Variants in ERICH6 observed in about 807,000 individuals in gnomAD.
ERICH6 encodes the protein glutamate rich 6, also known as glutamate-rich protein 6.
In ERICH6, 71 loss-of-function variants were observed where a neutral mutation model predicts 71.0. The observed-to-expected ratio is 1.00, with a 90% CI of 0.83 to 1.22. The LOEUF (loss-of-function observed/expected upper bound fraction) is 1.22. Among genes scored for constraint, ERICH6 ranks in the 50% most tolerant of loss-of-function variants. The pLI, the probability that ERICH6 is intolerant of heterozygous loss-of-function variation, is 0.00. For synonymous variants in ERICH6, 262 were observed against 278.4 expected (o/e 0.94, Z 0.59); for missense variants, 808 against 797.2 (o/e 1.01, Z -0.16).
chr3:150,689,752 G>C (rs959428459), intron 3 of ERICH6, among the ~76,000 whole-genome samples: 8 of 151,946 alleles, frequency 5.3e-5, no homozygotes, highest in African/African-American at 1.9e-4. Flanking sequence ...TGTACCCTCT[G>C]CTGCATGAGG....
At position 150,666,797 on chromosome 3, in the gene ERICH6, G is replaced by A. The variant is rs1276848949; in HGVS notation, c.1718C>T (p.Thr573Ile). 2.5e-6 allele frequency: 4 copies of A among 1,613,876 alleles called. No homozygotes were observed. Among genetic ancestry groups the A allele is most frequent in the African/African-American group, 2.7e-5 (2 of 75,022 alleles). ...TAAAAATGTACCTACCTTCACTTTG[G>A]TTCCAACACTGATTCTTGCCTGTTG... ...MGQQARISVG[T>I]KVKLPNPEEI... Residue 573 changes from threonine (T) to isoleucine (I), a missense_variant, in exon 13 of 14, where the codon ACC becomes ATC. Thr to Ile is a moderately conservative substitution (Grantham distance 89). Around this residue, in one of 3 missense-constraint regions of ERICH6, gnomAD observed 736 missense variants for 712.2 expected, o/e 1.03. Transcript: ENST00000295910.
intron 3 of ERICH6, among the ~76,000 whole-genome samples, chr3:150,690,643 A>G (rs1203550054): frequency 6.6e-6 from 1 of 152,234 alleles, no homozygotes. Flanking sequence ...TCTTTAATAA[A>G]TAAACTAGCT....
intron 3 of ERICH6, among the ~76,000 whole-genome samples, chr3:150,697,658 A>G (rs995164927): frequency 2.0e-5 from 3 of 152,044 alleles, no homozygotes; most frequent in Non-Finnish European, 1.5e-5. Context: ...CTTCTACATC[A>G]CTGGATGCTT....
At position 150,666,897 on chromosome 3, in the gene ERICH6, G is replaced by C. The variant is rs372213685; in HGVS notation, c.1618C>G (p.Leu540Val). The C allele has an allele frequency of 6.2e-7, 1 of 1,614,000 alleles. No homozygotes were observed. The highest frequency in any genetic ancestry group is 1.3e-5 in the African/African-American group (1 of 74,884). The change falls in exon 13 of 14, where the codon CTG becomes GTG. Residue 540 changes from leucine (L) to valine (V), a missense_variant. Coordinates refer to ENST00000295910, the MANE Select transcript of ERICH6 (RefSeq NM_152394.5). ...ACTCCAATATAACGGTTCAAAGCCA[G>C]AAAGACAGGTTTAAATGAAACAAAG... ...SPFVSFKPVFLALNRYIGVRI... is the reference protein window; with the variant it reads ...SPFVSFKPVFVALNRYIGVRI...
chr3:150,665,683 C>T (rs1004582585), intron 13 of ERICH6, among the ~76,000 whole-genome samples: 4 of 150,496 alleles, frequency 2.7e-5, no homozygotes, highest in Admixed American at 2.0e-4. Context: ...AAAAATTAGC[C>T]GGGCATGGTG....
At chr3:150,691,995 G>A (rs893439101) in intron 3 of ERICH6, among the ~76,000 whole-genome samples, 1 of 152,130 alleles carries the variant, frequency 6.6e-6, no homozygotes, top group Non-Finnish European at 1.5e-5. Context: ...GGGCCTGTGA[G>A]ATTGTAAGAG....
chr3:150,678,901 C>T (rs563778941), intron 9 of ERICH6, among the ~76,000 whole-genome samples: 211 of 151,848 alleles, frequency 1.4e-3, no homozygotes, highest in African/African-American at 4.1e-3. Flanking sequence ...ATTAACTGGG[C>T]GTGGTGGCGT....
At chr3:150,684,653 G>A (rs535826865) in intron 6 of ERICH6, among the ~76,000 whole-genome samples, 65 of 152,256 alleles carry the variant, frequency 4.3e-4, no homozygotes, top group African/African-American at 1.6e-3. Flanking sequence ...GCGGCAGTGT[G>A]GTGGTGCACC....
chr3:150,681,287 T>C (rs911426171), intron 7 of ERICH6, among the ~76,000 whole-genome samples: 1 of 152,224 alleles, frequency 6.6e-6, no homozygotes, highest in Admixed American at 6.5e-5. Flanking sequence ...AGTGGAACCA[T>C]ACAACATGTG....
At chr3:150,680,387 AC>A in intron 9 of ERICH6, 80 bp downstream of exon 9, 1 of 1,393,384 alleles carries the variant, frequency 7.2e-7, no homozygotes. Context: ...TTTTAAATAC[AC>A]CCATTTCATC....
intron 10 of ERICH6, among the ~76,000 whole-genome samples, chr3:150,674,373 T>C (rs1711571339): frequency 6.6e-6 from 1 of 152,158 alleles, no homozygotes; most frequent in African/African-American, 2.4e-5. Flanking sequence ...GCAGTGCCAT[T>C]GCTATCATAA....
intron 7 of ERICH6, 71 bp downstream of exon 7, chr3:150,682,147 G>T: frequency 1.5e-6 from 2 of 1,302,268 alleles, no homozygotes; most frequent in Non-Finnish European, 2.2e-6. Flanking sequence ...GCAGGGGAAA[G>T]ATGCAAGAGA....
chr3:150,688,719 C>T (rs1712297033), intron 3 of ERICH6, among the ~76,000 whole-genome samples: 1 of 152,238 alleles, frequency 6.6e-6, no homozygotes, highest in South Asian at 2.1e-4. Flanking sequence ...TCATTTGTCT[C>T]TTCTCTACCT....
At chr3:150,670,931 G>T (rs889079969) in intron 11 of ERICH6, among the ~76,000 whole-genome samples, 2 of 152,026 alleles carry the variant, frequency 1.3e-5, no homozygotes, top group Non-Finnish European at 2.9e-5. Context: ...ATAAAGTCAG[G>T]GCATGAAATG....
intron 3 of ERICH6, among the ~76,000 whole-genome samples, chr3:150,692,553 G>A (rs1396361689): frequency 6.6e-6 from 1 of 152,002 alleles, no homozygotes; most frequent in East Asian, 1.9e-4. Flanking sequence ...AATTATACAG[G>A]AAGCACTGTC....
chr3:150,686,753 A>C (rs139912716), intron 3 of ERICH6, among the ~76,000 whole-genome samples: 50 of 152,166 alleles, frequency 3.3e-4, no homozygotes, highest in African/African-American at 1.2e-3. Flanking sequence ...TCAGCATACT[A>C]TTTTTTTCTT....
intron 4 of ERICH6, 25 bp downstream of exon 4, chr3:150,686,273 G>A: frequency 6.2e-7 from 1 of 1,612,362 alleles, no homozygotes; most frequent in Non-Finnish European, 8.5e-7. Context: ...CCAGCAAAAG[G>A]AGATGATGCC....
chr3:150,698,444 A>C (rs1323444008), intron 3 of ERICH6, among the ~76,000 whole-genome samples: 1 of 152,250 alleles, frequency 6.6e-6, no homozygotes, highest in East Asian at 1.9e-4. Flanking sequence ...TAGTGGTTTG[A>C]CATTTAAAAA....
In ERICH6 at chr3:150,680,961, T is replaced by C. The variant is rs1576554303; in HGVS notation, c.883-31A>G. 20 of 1,583,864 alleles carry C rather than the reference T, an allele frequency of 1.3e-5. No homozygotes were observed. In the East Asian group the frequency reaches 4.5e-4, roughly 35 times the overall value. ...AAACACAGAAGTTACTCTCATCTCA[T>C]TAGTCCTAGATGAGGAGGATTAGAG... On this transcript the variant is annotated intron_variant, in intron 7 of 13. Transcript: ENST00000295910.
Sources: allele counts gnomAD v4.1 joint callset (sites outside exome capture counted in the v4.1 genomes callset), GRCh38; gene constraint gnomAD v4.1.1; regional missense constraint gnomAD v4.1.1; transcripts MANE v1.5; gene names NCBI Gene and HGNC (gene_info 2026-07-23, HGNC 2026-07-21).